PLG: variants seen among roughly 807,000 people sequenced by gnomAD.
PLG encodes the protein plasminogen.
PLG carries 41 observed loss-of-function variants against 104.4 expected under a neutral mutation model. That is an observed-to-expected ratio of 0.39 (90% CI 0.31 to 0.51). The LOEUF is 0.51. Among genes scored for constraint, PLG ranks in the 20% least tolerant of loss-of-function variants. The probability of loss-of-function intolerance (pLI) is 0.76; values close to 1 mark genes in which losing one functional copy is unlikely to be tolerated. For synonymous variants in PLG, 337 were observed against 357.1 expected, an observed-to-expected ratio of 0.94 and a Z score of 0.63; for missense variants, 891 against 1,003.6, an observed-to-expected ratio of 0.89 and a Z score of 1.52.
At chr6:160,733,844 CAGAAAA>C (rs754228149) in intron 12 of PLG, 145 bp from the exon 13 acceptor site, 22 of 373,240 alleles carry the variant, frequency 5.9e-5, no homozygotes, top group African/African-American at 1.4e-4. Context: ...AACTCCACCT[CAGAAAA>C]AAAAAAAAAA....
At chr6:160,722,038 G>A (rs1234500612) in intron 9 of PLG, among the ~76,000 whole-genome samples, 1 of 152,122 alleles carries the variant, frequency 6.6e-6, no homozygotes, top group Non-Finnish European at 1.5e-5. Context: ...AAGCTTTCAT[G>A]TCTGCCCCCC....
intron 1 of PLG, 30 bp from the exon 2 acceptor site, chr6:160,706,377 A>G: frequency 6.2e-7 from 1 of 1,611,402 alleles, no homozygotes; most frequent in Non-Finnish European, 8.5e-7. Flanking sequence ...TTTACTGACC[A>G]TTTATTCCAC....
intron 9 of PLG, among the ~76,000 whole-genome samples, chr6:160,720,752 C>G (rs1055053182): frequency 6.6e-6 from 1 of 152,130 alleles, no homozygotes; most frequent in Admixed American, 6.5e-5. Flanking sequence ...TTGTAAAATT[C>G]ATAGCCATTA....
At chr6:160,706,989 A>G (rs905884117) in intron 2 of PLG, among the ~76,000 whole-genome samples, 4 of 151,460 alleles carry the variant, frequency 2.6e-5, no homozygotes, top group Admixed American at 2.0e-4. Flanking sequence ...AGGTACAGGC[A>G]TAATCAATGC....
At chr6:160,748,602 T>C (rs932270756) in intron 17 of PLG, among the ~76,000 whole-genome samples, 2 of 152,104 alleles carry the variant, frequency 1.3e-5, no homozygotes, top group Admixed American at 6.6e-5. Flanking sequence ...AAGTCCATCA[T>C]GGCAGCTCCT....
chr6:160,733,991 T>G lies in PLG; in HGVS notation c.1588-4T>G, dbSNP rs757666005. The G allele has an allele frequency of 4.0e-5, 63 of 1,584,108 alleles. 1 individual carries two copies. The Admixed American group carries it at 1.0e-3, about 26-fold the overall frequency. Reference sequence around the variant, plus strand: ...CTGGAGCTTACATGCCTTCTTGTTTTCAGTACTGCCGTAACCCTGATGGTG... The same window carrying G: ...CTGGAGCTTACATGCCTTCTTGTTTGCAGTACTGCCGTAACCCTGATGGTG... On this transcript the variant is annotated splice_polypyrimidine_tract_variant and splice_region_variant and intron_variant, in intron 12 of 18. Coordinates refer to ENST00000308192, the MANE Select transcript of PLG (RefSeq NM_000301.5).
Position 160,737,155 on chromosome 6 carries a change from T to C in PLG, c.1802+148T>C. ...AGGAAAAAAGCTACAAAAATTAATA[T>C]ATGTATATATACATATATATTTTTA... is the stretch of plus-strand genomic sequence containing the variant. On this transcript the variant is annotated intron_variant, in intron 14 of 18. Coordinates refer to ENST00000308192, the MANE Select transcript of PLG (RefSeq NM_000301.5). The surrounding 1 kb of genome is among the most constrained non-coding windows in gnomAD (Gnocchi z 4.7). 1.3e-6 allele frequency: 1 copy of C among 761,350 alleles called. No homozygotes were observed. Among genetic ancestry groups the C allele is most frequent in the South Asian group, 1.9e-5 (1 of 52,606 alleles). The allele number at this position is 761,350 out of a possible 1,614,324, so 47.2% of individuals were successfully genotyped here.
In PLG at chr6:160,706,432, T is replaced by C; in HGVS notation, c.75T>C (p.Tyr25=). 1.2e-6 allele frequency: 2 copies of C among 1,613,530 alleles called. No homozygotes were observed. The highest frequency in any genetic ancestry group is 1.7e-6 in the Non-Finnish European group (2 of 1,179,640). The change falls in exon 2 of 19, where the codon TAT becomes TAC. Residue 25 remains tyrosine, a synonymous_variant. Coordinates refer to ENST00000308192, the MANE Select transcript of PLG (RefSeq NM_000301.5). Reference sequence around the variant, plus strand: ...GTCAAGGAGAGCCTCTGGATGACTATGTGAATACCCAGGGGGCTTCACTGT... The same window carrying C: ...GTCAAGGAGAGCCTCTGGATGACTACGTGAATACCCAGGGGGCTTCACTGT... The part of the protein sequence containing the change: ...KSGQGEPLDD[Y]VNTQGASLFS...
rs1778052638 is a variant in PLG at position 160,734,362 on chromosome 6, T to C, written c.1681+274T>C. 6.6e-6 allele frequency among the ~76,000 whole-genome samples: 1 copy of C among 152,088 alleles called. No homozygotes were observed. The highest frequency in any genetic ancestry group is 1.5e-5 in the Non-Finnish European group (1 of 68,016). On this transcript the variant is annotated intron_variant, in intron 13 of 18. Transcript: ENST00000308192. This position sits in a 1 kb window ranked among gnomAD's most constrained non-coding sequence, Gnocchi z 4.4. Reference sequence around the variant, plus strand: ...GGTAATCTAGTCAGCCCCAGGATGGTCCCACTGAATGCTGCCATGTCTAGC... The same window carrying C: ...GGTAATCTAGTCAGCCCCAGGATGGCCCCACTGAATGCTGCCATGTCTAGC...
intron 17 of PLG, among the ~76,000 whole-genome samples, chr6:160,742,871 G>A (rs1426433002): frequency 1.3e-5 from 2 of 152,148 alleles, no homozygotes; most frequent in Non-Finnish European, 2.9e-5. Flanking sequence ...CATATGGCTA[G>A]CCAGTTACCC....
intron 4 of PLG, chr6:160,711,762 A>G: frequency 3.1e-6 from 5 of 1,600,068 alleles, no homozygotes; most frequent in African/African-American, 1.4e-5. Flanking sequence ...GAAAAGATCA[A>G]AGATGACTAT....
In PLG at chr6:160,731,864, A is replaced by T; in HGVS notation, c.1558A>T (p.Thr520Ser). 1 of 1,614,122 alleles carries T rather than the reference A, an allele frequency of 6.2e-7. No homozygotes were observed. The highest frequency in any genetic ancestry group is 8.5e-7 in the Non-Finnish European group (1 of 1,180,026). ...TAGACACAGCATTTTCACTCCAGAG[A>T]CAAATCCACGGGCGGGTCTGGAAAA... is the stretch of plus-strand genomic sequence containing the variant. The part of the protein sequence containing the change: ...PHRHSIFTPE[T>S]NPRAGLEKNY... Residue 520 changes from threonine to serine, a missense_variant, in exon 12 of 19, where the codon ACA becomes TCA. Thr to Ser is a moderately conservative substitution (Grantham distance 58, BLOSUM62 1). This residue lies in a region of PLG where 854 missense variants were observed against 932.1 expected (regional missense o/e 0.92). Transcript: ENST00000308192. This position sits in a 1 kb window ranked among gnomAD's most constrained non-coding sequence, Gnocchi z 5.1.
Position 160,736,452 on chromosome 6 carries a change from CA to C in PLG, c.1682-434del, listed in dbSNP as rs1778084132. On this transcript the variant is annotated intron_variant, in intron 13 of 18. Transcript: ENST00000308192. The surrounding 1 kb of genome is among the most constrained non-coding windows in gnomAD (Gnocchi z 5.2). ...AAAAATAAACCTTTGTGCCTTTCAG[CA>C]GTGATGACAATTATGGTTTTCAGTA... 6.6e-6 allele frequency among the ~76,000 whole-genome samples: 1 copy of C among 152,106 alleles called. No individual in the cohort carries two copies. The highest frequency in any genetic ancestry group is 2.1e-4 in the South Asian group (1 of 4,824).
rs188767880 is a variant in PLG at position 160,751,773 on chromosome 6, T to G, written c.2126-342T>G. ...TGATGTAATTAGTAAAAGAAGCATATTAAAACATCTGAAAAAAGAGTATAT... is the reference window on the plus strand; with the variant it reads ...TGATGTAATTAGTAAAAGAAGCATAGTAAAACATCTGAAAAAAGAGTATAT... On this transcript the variant is annotated intron_variant, in intron 17 of 18. Transcript: ENST00000308192. Among the ~76,000 whole-genome samples the G allele has an allele frequency of 5.8e-3, 880 of 152,332 alleles. 3 individuals are homozygous for G. Among genetic ancestry groups the G allele is most frequent in the Middle Eastern group, 0.014 (4 of 294 alleles).
At chr6:160,713,253 A>T (rs1345299867) in intron 5 of PLG, 128 bp downstream of exon 5, 7 of 826,468 alleles carry the variant, frequency 8.5e-6, no homozygotes, top group Non-Finnish European at 1.4e-5. Context: ...GAAAGAAGCA[A>T]AACCCCAGAA....
At position 160,731,270 on chromosome 6, in the gene PLG, G is replaced by A. The variant is rs1368025030; in HGVS notation, c.1438+38G>A. 7.1e-6 allele frequency: 11 copies of A among 1,539,106 alleles called. No homozygotes were observed. The highest frequency in any genetic ancestry group is 6.7e-5 in the East Asian group (3 of 44,592). On this transcript the variant is annotated intron_variant, in intron 11 of 18. Transcript: ENST00000308192. The surrounding 1 kb of genome is among the most constrained non-coding windows in gnomAD (Gnocchi z 5.1). Reference sequence around the variant, plus strand: ...TGGCTGGACATCTACACACTTGGACGCTGGGATGAAAAGCCATGGAAAATC... The same window carrying A: ...TGGCTGGACATCTACACACTTGGACACTGGGATGAAAAGCCATGGAAAATC...
In PLG at chr6:160,752,559, G is replaced by A. The variant is rs990865738; in HGVS notation, c.2271+299G>A. On this transcript the variant is annotated intron_variant, in intron 18 of 18. Transcript: ENST00000308192. The surrounding 1 kb of genome is among the most constrained non-coding windows in gnomAD (Gnocchi z 4.7). Reference sequence around the variant, plus strand: ...AGGGACTAAAGTGGTGACTTTTCCGGTAGGGAAGGAGGTAGAGGATACAGG... The same window carrying A: ...AGGGACTAAAGTGGTGACTTTTCCGATAGGGAAGGAGGTAGAGGATACAGG... 1.3e-5 allele frequency among the ~76,000 whole-genome samples: 2 copies of A among 152,110 alleles called. No individual in the cohort carries two copies. The highest frequency in any genetic ancestry group is 2.9e-5 in the Non-Finnish European group (2 of 68,026).
At position 160,732,206 on chromosome 6, in the gene PLG, G is replaced by T. The variant is rs936659447; in HGVS notation, c.1587+313G>T. Among the ~76,000 whole-genome samples, 1 of 152,090 alleles carries T rather than the reference G, an allele frequency of 6.6e-6. No homozygotes were observed. Among genetic ancestry groups the T allele is most frequent in the Non-Finnish European group, 1.5e-5 (1 of 68,032 alleles). ...CTAGTTTCTAGTGTTTGTATGCTAG[G>T]TTCCAGTAATCAAAGATGCCCTTTA... On this transcript the variant is annotated intron_variant, in intron 12 of 18. Coordinates refer to ENST00000308192, the MANE Select transcript of PLG (RefSeq NM_000301.5). This position sits in a 1 kb window ranked among gnomAD's most constrained non-coding sequence, Gnocchi z 4.5.
In PLG at chr6:160,738,668, T is replaced by C. The variant is rs1562380565; in HGVS notation, c.1877+56T>C. The stretch of plus-strand genomic sequence containing the variant: ...TTGTCTTAAATACTTTTTCTGTCCT[T>C]CTTTTCCTCCTTTCCTCCTTTCCTT... On this transcript the variant is annotated intron_variant, in intron 15 of 18. Transcript: ENST00000308192. The surrounding 1 kb of genome is among the most constrained non-coding windows in gnomAD (Gnocchi z 6.8). The C allele has an allele frequency of 8.7e-7, 1 of 1,146,796 alleles. No homozygotes were observed. The highest frequency in any genetic ancestry group is 1.5e-5 in the African/African-American group (1 of 65,982). The allele number at this position is 1,146,796 out of a possible 1,614,324, so 71.0% of individuals were successfully genotyped here.
Sources: gnomAD v4.1 joint callset for allele counts (sites outside exome capture counted in the v4.1 genomes callset) on GRCh38, gnomAD v4.1.1 for gene constraint, gnomAD v4.1.1 regional missense constraint, Gnocchi (gnomAD v3.1) non-coding constraint, MANE v1.5 for transcripts, NCBI Gene and HGNC (gene_info 2026-07-23, HGNC 2026-07-21) for gene names.